Variants in ZMPSTE24 observed in about 807,000 individuals in gnomAD.
ZMPSTE24 encodes the protein CAAX prenyl protease 1 homolog.
ZMPSTE24 carries 48 observed loss-of-function variants against 56.7 expected under a neutral mutation model. The ratio of observed to expected loss-of-function variants is 0.85; its 90% CI spans 0.67 to 1.08. ZMPSTE24 has a LOEUF of 1.08. ZMPSTE24 is among the 50% of genes least tolerant of loss of function. The probability of loss-of-function intolerance (pLI) is 0.00; values close to 1 mark genes in which losing one functional copy is unlikely to be tolerated. For missense variants in ZMPSTE24, 503 were observed against 548.7 expected (o/e 0.92, Z 0.83); for synonymous variants, 172 against 195.2 (o/e 0.88, Z 0.99).
intron 9 of ZMPSTE24, 29 bp from the exon 10 acceptor site, chr1:40,292,416 G>A: frequency 6.2e-7 from 1 of 1,608,100 alleles, no homozygotes; most frequent in Non-Finnish European, 8.5e-7. Context: ...GGTGGGCAGT[G>A]GCTAAAACCC....
chr1:40,260,311 C>G (rs894669738), intron 1 of ZMPSTE24, among the ~76,000 whole-genome samples: 1 of 151,532 alleles, frequency 6.6e-6, no homozygotes, highest in African/African-American at 2.4e-5. Context: ...TCCTTCTGCC[C>G]CTGTCTTCCA....
intron 7 of ZMPSTE24, among the ~76,000 whole-genome samples, chr1:40,285,347 C>T (rs1487857583): frequency 1.3e-5 from 2 of 152,130 alleles, no homozygotes; most frequent in Non-Finnish European, 2.9e-5. Context: ...CCTCGTGATC[C>T]ACCCACCTTG....
intron 3 of ZMPSTE24, 33 bp downstream of exon 3, chr1:40,267,905 T>C (rs1423148363): frequency 6.3e-7 from 1 of 1,581,922 alleles, no homozygotes; most frequent in Non-Finnish European, 8.7e-7. Context: ...TTTGTCATGG[T>C]ATTTCTTTTA....
At position 40,268,524 on chromosome 1, in the gene ZMPSTE24, T is replaced by G. The variant is rs995106308; in HGVS notation, c.463T>G (p.Phe155Val). The change falls in exon 4 of 10, where the codon TTC becomes GTC. Residue 155 changes from phenylalanine (F) to valine (V), a missense_variant. By Grantham distance (50) the Phe-to-Val change is conservative. Coordinates refer to ENST00000372759, the MANE Select transcript of ZMPSTE24 (RefSeq NM_005857.5). ...TTTTGTGATAGAAGAAAAACATGGC[T>G]TCAATCAACAGGTATAATAAAGAAT... Reference protein sequence around the residue: ...NTFVIEEKHGFNQQTLGFFMK... With the variant: ...NTFVIEEKHGVNQQTLGFFMK... The G allele has an allele frequency of 1.3e-6, 2 of 1,599,212 alleles. No homozygotes were observed. The highest frequency in any genetic ancestry group is 3.3e-5 in the Admixed American group (2 of 59,882).
intron 7 of ZMPSTE24, among the ~76,000 whole-genome samples, chr1:40,281,774 A>G (rs898741730): frequency 6.6e-6 from 1 of 152,080 alleles, no homozygotes; most frequent in African/African-American, 2.4e-5. Context: ...AATTCATATG[A>G]TTATAAGCTA....
intron 8 of ZMPSTE24, among the ~76,000 whole-genome samples, chr1:40,289,660 G>T (rs1643820432): frequency 6.6e-6 from 1 of 152,198 alleles, no homozygotes; most frequent in Admixed American, 6.5e-5. Context: ...TGGCCTCCAA[G>T]ATCCTAATTT....
At chr1:40,266,506 A>C (rs1643549451) in intron 2 of ZMPSTE24, among the ~76,000 whole-genome samples, 1 of 152,182 alleles carries the variant, frequency 6.6e-6, no homozygotes, top group Admixed American at 6.5e-5. Flanking sequence ...GCCCAAGACC[A>C]AGACAAAGGG....
In ZMPSTE24 at chr1:40,265,844, A is replaced by C. The variant is rs902841196; in HGVS notation, c.271-1942A>C. Among the ~76,000 whole-genome samples the C allele has an allele frequency of 5.3e-5, 8 of 152,340 alleles. 1 individual carries two copies. The highest frequency in any genetic ancestry group is 3.4e-3 in the Middle Eastern group (1 of 294). On this transcript the variant is annotated intron_variant, in intron 2 of 9. Transcript: ENST00000372759. ...GACTTTGCATTTCTAAGAAATTCCC[A>C]GATGCTGTTGCTGCTGTCCAGAGAC...
chr1:40,274,984 A>C (rs948731457), intron 6 of ZMPSTE24, among the ~76,000 whole-genome samples: 1 of 152,074 alleles, frequency 6.6e-6, no homozygotes, highest in Non-Finnish European at 1.5e-5. Flanking sequence ...GATGGAAAAA[A>C]ATAGGAGAAG....
At position 40,270,021 on chromosome 1, in the gene ZMPSTE24, C is replaced by T; in HGVS notation, c.521C>T (p.Thr174Ile). 1 of 1,613,832 alleles carries T rather than the reference C, an allele frequency of 6.2e-7. No individual in the cohort carries two copies. Among genetic ancestry groups the T allele is most frequent in the Non-Finnish European group, 8.5e-7 (1 of 1,179,936 alleles). The change falls in exon 5 of 10, where the codon ACT becomes ATT. Residue 174 changes from threonine to isoleucine, a missense_variant. Coordinates refer to ENST00000372759, the MANE Select transcript of ZMPSTE24 (RefSeq NM_005857.5). ...MKDAIKKFVVTQCILLPVSSL... is the reference protein window; with the variant it reads ...MKDAIKKFVVIQCILLPVSSL... ...GATGCAATCAAGAAATTTGTTGTGA[C>T]TCAGTGTATTTTGTTGCCTGTGTCT...
At chr1:40,271,868 A>T in intron 5 of ZMPSTE24, 26 bp from the exon 6 acceptor site, 10 of 1,611,728 alleles carry the variant, frequency 6.2e-6, no homozygotes, top group Non-Finnish European at 8.5e-6. Context: ...ACATGTTCAT[A>T]TGTTATTCTG....
intron 8 of ZMPSTE24, among the ~76,000 whole-genome samples, chr1:40,286,539 G>C (rs1257928443): frequency 6.6e-6 from 1 of 151,810 alleles, no homozygotes; most frequent in Non-Finnish European, 1.5e-5. Context: ...TCCTATCTCA[G>C]CCTCCTGAGT....
intron 4 of ZMPSTE24, 70 bp from the exon 5 acceptor site, chr1:40,269,905 T>G (rs994770747): frequency 3.2e-6 from 5 of 1,540,348 alleles, no homozygotes; most frequent in Non-Finnish European, 4.4e-6. Flanking sequence ...TCCTTTGTAT[T>G]TATTTATCAG....
In ZMPSTE24 at chr1:40,281,532, G is replaced by A; in HGVS notation, c.954+5G>A. 1.9e-6 allele frequency: 3 copies of A among 1,613,438 alleles called. No individual in the cohort carries two copies. Among genetic ancestry groups the A allele is most frequent in the Non-Finnish European group, 1.7e-6 (2 of 1,179,560 alleles). The stretch of plus-strand genomic sequence containing the variant: ...GAAATAAAAGCTAAAGTTAAAGTGA[G>A]TTATTTTTTCCTAAGAGATTCTACC... On this transcript the variant is annotated splice_donor_5th_base_variant and intron_variant, in intron 7 of 9. Coordinates refer to ENST00000372759, the MANE Select transcript of ZMPSTE24 (RefSeq NM_005857.5).
intron 1 of ZMPSTE24, 147 bp from the exon 2 acceptor site, chr1:40,260,692 G>A (rs1643488147): frequency 6.7e-6 from 5 of 747,334 alleles, no homozygotes; most frequent in South Asian, 5.3e-5. Flanking sequence ...GTCGTTTCAT[G>A]TACTTGATCA....
chr1:40,263,587 T>C (rs554148667), intron 2 of ZMPSTE24, among the ~76,000 whole-genome samples: 2 of 152,242 alleles, frequency 1.3e-5, no homozygotes, highest in Non-Finnish European at 2.9e-5. Context: ...GCTGCATTTA[T>C]GCTTGGCAGG....
intron 2 of ZMPSTE24, 32 bp from the exon 3 acceptor site, chr1:40,267,754 C>A: frequency 2.7e-6 from 4 of 1,468,356 alleles, no homozygotes; most frequent in South Asian, 1.1e-5. Context: ...TAGTACTGTT[C>A]AACTGTGATC....
At chr1:40,273,537 A>AATATATATATATATATATATATAT (rs71577619) in intron 6 of ZMPSTE24, among the ~76,000 whole-genome samples, 1 of 12,388 alleles carries the variant, frequency 8.1e-5, no homozygotes, top group Non-Finnish European at 2.0e-4. Flanking sequence ...AAAAAAAAAA[A>AATATATATATATATATATATATAT]ATATATATAT....
At chr1:40,258,594 C>A (rs1434241136) in intron 1 of ZMPSTE24, among the ~76,000 whole-genome samples, 200 bp downstream of exon 1, 1 of 152,102 alleles carries the variant, frequency 6.6e-6, no homozygotes, top group Non-Finnish European at 1.5e-5. Flanking sequence ...TTTTCTGTAA[C>A]GTTATCATGG....
Sources: allele counts gnomAD v4.1 joint callset (sites outside exome capture counted in the v4.1 genomes callset), GRCh38; gene constraint gnomAD v4.1.1; transcripts MANE v1.5; gene names NCBI Gene and HGNC (gene_info 2026-07-23, HGNC 2026-07-21).